Variants in SORCS3 observed in about 807,000 individuals in gnomAD.
SORCS3 encodes the protein sortilin related VPS10 domain containing receptor 3, also known as VPS10 domain-containing receptor SorCS3.
SORCS3 carries 57 observed loss-of-function variants against 146.3 expected under a neutral mutation model. The ratio of observed to expected loss-of-function variants is 0.39; its 90% CI spans 0.31 to 0.49. SORCS3 has a LOEUF of 0.49. Among genes scored for constraint, SORCS3 ranks in the 20% least tolerant of loss-of-function variants. SORCS3 has a pLI of 0.92. For synonymous variants in SORCS3, 653 were observed against 618.5 expected (o/e 1.06, Z -0.83); for missense variants, 1,341 against 1,575.5 (o/e 0.85, Z 2.52).
intron 1 of SORCS3, among the ~76,000 whole-genome samples, chr10:104,658,872 GT>G (rs372849715): frequency 1.4e-4 from 20 of 144,774 alleles, no homozygotes; most frequent in African/African-American, 3.8e-4. Flanking sequence ...TTTTGTTTTT[GT>G]TTTTTTTTTG....
chr10:104,683,807 A>G (rs924699415), intron 1 of SORCS3, among the ~76,000 whole-genome samples: 1 of 152,132 alleles, frequency 6.6e-6, no homozygotes, highest in Non-Finnish European at 1.5e-5. Context: ...AGCCAAACAA[A>G]CAATTTGCTT....
intron 2 of SORCS3, among the ~76,000 whole-genome samples, chr10:104,894,691 A>G (rs1355224402): frequency 6.6e-6 from 1 of 152,168 alleles, no homozygotes; most frequent in Non-Finnish European, 1.5e-5. Context: ...GAGGTGAGGG[A>G]TGGAAGAACA....
intron 4 of SORCS3, among the ~76,000 whole-genome samples, chr10:104,981,113 A>G (rs146155576): frequency 1.5e-4 from 23 of 152,298 alleles, no homozygotes; most frequent in African/African-American, 4.8e-4. Flanking sequence ...CCAGTCTACT[A>G]AAGTCCTTTC....
At chr10:105,248,432 A>G (rs2056879939) in intron 22 of SORCS3, among the ~76,000 whole-genome samples, 1 of 152,182 alleles carries the variant, frequency 6.6e-6, no homozygotes, top group African/African-American at 2.4e-5. Flanking sequence ...AATGAGCAGC[A>G]TGTTCAAAGT....
intron 5 of SORCS3, among the ~76,000 whole-genome samples, chr10:105,071,274 C>A (rs934234061): frequency 2.6e-5 from 4 of 152,238 alleles, no homozygotes; most frequent in African/African-American, 9.6e-5. Context: ...TCACTACTCT[C>A]ATGTGATGGA....
chr10:104,803,508 A>G (rs370374880), intron 1 of SORCS3, among the ~76,000 whole-genome samples: 1 of 152,172 alleles, frequency 6.6e-6, no homozygotes, highest in Admixed American at 6.5e-5. Context: ...TACCTGTATT[A>G]TGCATTGGGT....
intron 14 of SORCS3, among the ~76,000 whole-genome samples, chr10:105,195,577 G>A (rs972751924): frequency 1.3e-5 from 2 of 152,106 alleles, no homozygotes; most frequent in Non-Finnish European, 2.9e-5. Flanking sequence ...CATTTCTTCA[G>A]CTTCCATAAG....
chr10:105,106,962 G>A (rs1412997788), intron 7 of SORCS3, among the ~76,000 whole-genome samples: 1 of 152,052 alleles, frequency 6.6e-6, no homozygotes, highest in Non-Finnish European at 1.5e-5. Flanking sequence ...CCCAGTACTC[G>A]CTGCCTGAGC....
intron 7 of SORCS3, among the ~76,000 whole-genome samples, chr10:105,119,685 AG>A (rs1400282437): frequency 6.6e-6 from 1 of 152,188 alleles, no homozygotes; most frequent in East Asian, 1.9e-4. Context: ...TGGAACTTTA[AG>A]GTTTAATGGC....
chr10:105,129,723 T>C (rs546904393), intron 7 of SORCS3, among the ~76,000 whole-genome samples: 1 of 151,932 alleles, frequency 6.6e-6, no homozygotes, highest in African/African-American at 2.4e-5. Flanking sequence ...GACTTCCATT[T>C]TGAAAGCTCA....
chr10:105,037,015 G>T (rs1041604411), intron 4 of SORCS3, among the ~76,000 whole-genome samples: 3 of 152,156 alleles, frequency 2.0e-5, no homozygotes, highest in African/African-American at 7.2e-5. Context: ...TGGCTTAAGA[G>T]AAACTGACCT....
intron 1 of SORCS3, among the ~76,000 whole-genome samples, chr10:104,647,981 T>C (rs1266647133): frequency 6.6e-6 from 1 of 152,148 alleles, no homozygotes; most frequent in Non-Finnish European, 1.5e-5. Flanking sequence ...AGAAGTGTGA[T>C]AGAGAGGAGA....
chr10:104,853,021 C>T (rs111356741), intron 2 of SORCS3, among the ~76,000 whole-genome samples: 3,329 of 152,254 alleles, frequency 0.022, 50 homozygotes, highest in Non-Finnish European at 0.032. Context: ...GGGAATAGGC[C>T]GGGCGCGGTG....
At chr10:104,827,906 T>C (rs2017956303) in intron 1 of SORCS3, among the ~76,000 whole-genome samples, 1 of 152,248 alleles carries the variant, frequency 6.6e-6, no homozygotes, top group Non-Finnish European at 1.5e-5. Context: ...TTAAACTTCA[T>C]GAACCAACCT....
At chr10:105,209,479 C>T (rs1000458008) in intron 16 of SORCS3, among the ~76,000 whole-genome samples, 1 of 152,082 alleles carries the variant, frequency 6.6e-6, no homozygotes, top group Non-Finnish European at 1.5e-5. Context: ...TTCATTTACC[C>T]AATAAATATT....
At chr10:105,087,373 C>T (rs2133738695) in intron 5 of SORCS3, among the ~76,000 whole-genome samples, 1 of 152,042 alleles carries the variant, frequency 6.6e-6, no homozygotes, top group East Asian at 1.9e-4. Context: ...TGTAACAAAC[C>T]TGCGCATTCT....
At chr10:105,211,396 CT>C in intron 17 of SORCS3, 146 bp downstream of exon 17, 1 of 636,260 alleles carries the variant, frequency 1.6e-6, no homozygotes, top group Non-Finnish European at 2.9e-6. Flanking sequence ...GTGAGGAGTT[CT>C]TTAGCTGAGA....
At chr10:104,642,514 C>T (rs1368443915) in intron 1 of SORCS3, among the ~76,000 whole-genome samples, 3 of 151,970 alleles carry the variant, frequency 2.0e-5, no homozygotes, top group African/African-American at 7.3e-5. Flanking sequence ...GAGGGAGGCT[C>T]GGCCAAGTCG....
At chr10:104,975,109 G>A (rs2054887144) in intron 3 of SORCS3, among the ~76,000 whole-genome samples, 1 of 152,202 alleles carries the variant, frequency 6.6e-6, no homozygotes, top group South Asian at 2.1e-4. Context: ...AGGAAAAGAG[G>A]AAGTCAAATT....
Sources: allele counts gnomAD v4.1 joint callset (sites outside exome capture counted in the v4.1 genomes callset), GRCh38; gene constraint gnomAD v4.1.1; transcripts MANE v1.5; gene names NCBI Gene and HGNC (gene_info 2026-07-23, HGNC 2026-07-21).